LRP5: variants seen among roughly 807,000 people sequenced by gnomAD.
LRP5 encodes low-density lipoprotein receptor-related protein 5.
LRP5 carries 62 observed loss-of-function variants against 154.1 expected under a neutral mutation model. The ratio of observed to expected loss-of-function variants is 0.40; its 90% CI spans 0.33 to 0.50. The LOEUF (loss-of-function observed/expected upper bound fraction) is 0.50. LRP5 is among the 20% of genes least tolerant of loss of function. LRP5 has a pLI of 0.55. For missense variants in LRP5, 1,915 were observed against 2,336.7 expected (o/e 0.82, Z 3.72); for synonymous variants, 966 against 1,011.5 (o/e 0.96, Z 0.85).
chr11:68,369,422 T>C (rs1333142988), intron 5 of LRP5, among the ~76,000 whole-genome samples: 2 of 152,092 alleles, frequency 1.3e-5, no homozygotes, highest in Admixed American at 1.3e-4. Flanking sequence ...TGTCACCATC[T>C]CTGTTCTTGG....
intron 16 of LRP5, among the ~76,000 whole-genome samples, chr11:68,427,660 A>G (rs2098669507): frequency 6.6e-6 from 1 of 151,656 alleles, no homozygotes; most frequent in African/African-American, 2.4e-5. Flanking sequence ...AGCCTAGGCA[A>G]TAGAGTGAGA....
chr11:68,430,077 G>A (rs2098671067), intron 17 of LRP5, among the ~76,000 whole-genome samples: 1 of 152,184 alleles, frequency 6.6e-6, no homozygotes, highest in Non-Finnish European at 1.5e-5. Context: ...TTCTACTGTA[G>A]TCTGAGAGCT....
chr11:68,363,977 C>T (rs754758534), intron 4 of LRP5, 34 bp downstream of exon 4: 16 of 144,736 alleles, frequency 1.1e-4, no homozygotes, highest in Middle Eastern at 2.9e-3. Flanking sequence ...GGCGAGGGTG[C>T]GGGGGCTGGG....
At position 68,386,787 on chromosome 11, in the gene LRP5, T is replaced by C; in HGVS notation, c.1412+75T>C. 2 of 1,490,904 alleles carry C rather than the reference T, an allele frequency of 1.3e-6. No individual in the cohort carries two copies. Among genetic ancestry groups the C allele is most frequent in the Non-Finnish European group, 1.8e-6 (2 of 1,103,228 alleles). 92.4% of individuals were successfully genotyped at this position (1,490,904 alleles called of 1,614,324 possible). A position where few individuals can be genotyped will look rare whatever the true frequency, so the allele number is the denominator to read the frequency against. ...GGCGAGAGGGAGATTGACCTGGACC[T>C]GTCATTCTGGGACACTGTCTTGCAT... On this transcript the variant is annotated intron_variant, in intron 6 of 22. Coordinates refer to ENST00000294304, the MANE Select transcript of LRP5 (RefSeq NM_002335.4). The surrounding 1 kb of genome is among the most constrained non-coding windows in gnomAD (Gnocchi z 7.9).
rs961645314 is a variant in LRP5, at chr11:68,423,393, A to G, written c.3028-96A>G. The G allele has an allele frequency of 2.9e-4, 342 of 1,167,802 alleles. 1 individual carries two copies. Among genetic ancestry groups the G allele is most frequent in the Middle Eastern group, 2.4e-3 (10 of 4,164 alleles). 72.3% of individuals were successfully genotyped at this position (1,167,802 alleles called of 1,614,324 possible). ...CTCCAGCCAGTGCCCGGGGGTCTCC[A>G]CCAGTGCCCGGGGGTCTCCGCCAGT... On this transcript the variant is annotated intron_variant, in intron 13 of 22. Transcript: ENST00000294304. The surrounding 1 kb of genome is among the most constrained non-coding windows in gnomAD (Gnocchi z 4.7).
At chr11:68,363,690 C>T in intron 3 of LRP5, 57 bp from the exon 4 acceptor site, 1 of 1,382,990 alleles carries the variant, frequency 7.2e-7, no homozygotes, top group South Asian at 1.2e-5. Flanking sequence ...GGGTCAGCAG[C>T]AATGACTGTC....
intron 2 of LRP5, among the ~76,000 whole-genome samples, chr11:68,356,250 C>T (rs2098623150): frequency 6.6e-6 from 1 of 151,626 alleles, no homozygotes; most frequent in Non-Finnish European, 1.5e-5. Flanking sequence ...TGAAGGGATC[C>T]TCCCACGTCA....
rs144744333 is a variant in LRP5 at position 68,315,447 on chromosome 11, C to A, written c.91+2642C>A. Among the ~76,000 whole-genome samples, 269 of 152,344 alleles carry A rather than the reference C, an allele frequency of 1.8e-3. 1 individual carries two copies. The highest frequency in any genetic ancestry group is 6.2e-3 in the African/African-American group (256 of 41,586). On this transcript the variant is annotated intron_variant, in intron 1 of 22. Transcript: ENST00000294304. ...GTTAGCACTGTGGACAGAGCCCCTG[C>A]GCCCAGGGTCTGATTCCAGCCTGGC...
intron 4 of LRP5, 105 bp from the exon 5 acceptor site, chr11:68,365,466 A>G (rs2098630444): frequency 6.5e-7 from 1 of 1,544,350 alleles, no homozygotes; most frequent in Non-Finnish European, 8.9e-7. Context: ...GGGCAGAGGG[A>G]CACACTGGAG....
chr11:68,360,987 A>C (rs1448653371), intron 3 of LRP5, among the ~76,000 whole-genome samples: 4 of 73,124 alleles, frequency 5.5e-5, no homozygotes, highest in Non-Finnish European at 9.7e-5. Context: ...ACAGAGCAAG[A>C]CTCTATCTCA....
chr11:68,345,856 C>T (rs1305651091), intron 1 of LRP5, among the ~76,000 whole-genome samples: 1 of 152,088 alleles, frequency 6.6e-6, no homozygotes, highest in Admixed American at 6.5e-5. Flanking sequence ...TGATAGTAGC[C>T]GTCCTAATTG....
chr11:68,415,080 C>T (rs1417892137), intron 12 of LRP5, among the ~76,000 whole-genome samples: 3 of 152,196 alleles, frequency 2.0e-5, no homozygotes, highest in African/African-American at 7.2e-5. Context: ...ACGGTGCGCT[C>T]GAAGTGCCAC....
intron 1 of LRP5, among the ~76,000 whole-genome samples, chr11:68,323,840 T>C (rs1476626226): frequency 6.6e-6 from 1 of 152,244 alleles, no homozygotes; most frequent in Non-Finnish European, 1.5e-5. Flanking sequence ...CGGGAGTTCA[T>C]GCACTTGCCA....
chr11:68,414,010 GC>G lies in LRP5; in HGVS notation c.2827del (p.Pro943ArgfsTer17). On this transcript the variant is annotated frameshift_variant and splice_region_variant, in exon 12 of 23. Coordinates refer to ENST00000294304, the MANE Select transcript of LRP5 (RefSeq NM_002335.4). LOFTEE classifies it high-confidence loss of function. ...YTLDPSSRNC[S>X]PPTTFLLFSQ... is the part of the protein sequence containing the mutation. ...CTGGACCCCAGCAGCCGCAACTGCA[GC>G]CGTAAGTGCCTCATGGTCCCCCGCA... 1 of 1,603,534 alleles carries G rather than the reference GC, an allele frequency of 6.2e-7. No individual in the cohort carries two copies. Among genetic ancestry groups the G allele is most frequent in the Non-Finnish European group, 8.5e-7 (1 of 1,179,778 alleles).
At position 68,410,040 on chromosome 11, in the gene LRP5, A is replaced by G; in HGVS notation, c.2218A>G (p.Asn740Asp). The change falls in exon 10 of 23, where the codon AAC becomes GAC. Residue 740 changes from asparagine to aspartate, a missense_variant. Asn to Asp is a conservative substitution (Grantham distance 23, BLOSUM62 1). Around this residue, in one of 3 missense-constraint regions of LRP5, gnomAD observed 773 missense variants for 1,100.9 expected, o/e 0.70. Coordinates refer to ENST00000294304, the MANE Select transcript of LRP5 (RefSeq NM_002335.4). ...CCTCTACTGGGCCGACACTGGGACC[A>G]ACAGAATCGAAGTGGCGCGGCTGGA... Reference protein sequence around the residue: ...KNLYWADTGTNRIEVARLDGQ... With the variant: ...KNLYWADTGTDRIEVARLDGQ... 6.2e-7 allele frequency: 1 copy of G among 1,614,100 alleles called. No individual in the cohort carries two copies. Among genetic ancestry groups the G allele is most frequent in the South Asian group, 1.1e-5 (1 of 91,084 alleles).
the LRP5 span, among the ~76,000 whole-genome samples, chr11:68,304,820 C>T: frequency 6.6e-6 from 1 of 152,218 alleles, no homozygotes; most frequent in East Asian, 1.9e-4. Flanking sequence ...TTTCTTTTGA[C>T]AGATTTCTCC....
intron 9 of LRP5, among the ~76,000 whole-genome samples, chr11:68,408,452 A>G (rs1367004310): frequency 3.3e-5 from 5 of 152,070 alleles, no homozygotes; most frequent in East Asian, 1.9e-4. Flanking sequence ...TTCTTTGTAG[A>G]AAAAAAAATA....
chr11:68,336,330 T>C (rs1417659778), intron 1 of LRP5, among the ~76,000 whole-genome samples: 2 of 152,242 alleles, frequency 1.3e-5, no homozygotes, highest in East Asian at 3.8e-4. Flanking sequence ...AAATGTTGTG[T>C]ACATGCCTTA....
chr11:68,441,003 G>T (rs1338384868), intron 21 of LRP5, among the ~76,000 whole-genome samples: 2 of 152,100 alleles, frequency 1.3e-5, no homozygotes, highest in Non-Finnish European at 2.9e-5. Flanking sequence ...CCCTACCTCA[G>T]GTGATCCGCC....
Sources: allele counts gnomAD v4.1 joint callset (sites outside exome capture counted in the v4.1 genomes callset), GRCh38; gene constraint gnomAD v4.1.1; regional missense constraint gnomAD v4.1.1; non-coding constraint Gnocchi (gnomAD v3.1); transcripts MANE v1.5; gene names NCBI Gene and HGNC (gene_info 2026-07-23, HGNC 2026-07-21).